Variants in GMDS observed in about 807,000 individuals in gnomAD.
The protein encoded by GMDS is GDP-mannose 4,6-dehydratase.
A neutral mutation model predicts 49.9 loss-of-function variants in GMDS; 20 were observed. The observed-to-expected ratio is 0.40, with a 90% CI of 0.28 to 0.58. The LOEUF (loss-of-function observed/expected upper bound fraction) is 0.58, where lower values mean the gene tolerates loss of function less well. GMDS is among the 20% of genes least tolerant of loss of function. The pLI is 0.42. For synonymous variants in GMDS, 177 were observed against 178.6 expected (o/e 0.99, Z 0.07); for missense variants, 362 against 481.4 (o/e 0.75, Z 2.32).
intron 1 of GMDS, chr6:2,176,005 C>A (rs444257): frequency 0.027 from 40,703 of 1,533,632 alleles, 1,883 homozygotes; most frequent in East Asian, 0.14. Context: ...CTGGATCACA[C>A]AAAAGTGCCT....
At chr6:2,228,850 T>A (rs1375691731) in intron 1 of GMDS, among the ~76,000 whole-genome samples, 3 of 152,170 alleles carry the variant, frequency 2.0e-5, no homozygotes, top group Non-Finnish European at 2.9e-5. Context: ...GATCCAGGTA[T>A]GACATCTGAG....
chr6:1,975,917 G>C (rs4959162), intron 4 of GMDS, among the ~76,000 whole-genome samples: 57,952 of 152,058 alleles, frequency 0.38, 12,153 homozygotes, highest in Non-Finnish European at 0.47. Flanking sequence ...AGAAGCCTGA[G>C]GTTCCTGCAC....
At chr6:2,238,563 T>C (rs1470633106) in intron 1 of GMDS, among the ~76,000 whole-genome samples, 1 of 152,174 alleles carries the variant, frequency 6.6e-6, no homozygotes, top group East Asian at 1.9e-4. Flanking sequence ...CCTTCTCTCA[T>C]TCCTTCCCAC....
At chr6:1,680,322 T>A (rs776291346) in intron 9 of GMDS, among the ~76,000 whole-genome samples, 26 of 152,174 alleles carry the variant, frequency 1.7e-4, no homozygotes, top group Non-Finnish European at 3.2e-4. Context: ...TGACTCTAAG[T>A]CATCAGGTTA....
chr6:1,630,404 G>A lies in GMDS; in HGVS notation c.988-5864C>T, dbSNP rs1027592248. Reference sequence around the variant, plus strand: ...GGCTGTGTCCGCCTGCCCATTGGCTGCCTGGCCTTTGACTGGGACAGAGGA... The same window carrying A: ...GGCTGTGTCCGCCTGCCCATTGGCTACCTGGCCTTTGACTGGGACAGAGGA... On this transcript the variant is annotated intron_variant, in intron 9 of 10. Coordinates refer to ENST00000380815, the MANE Select transcript of GMDS (RefSeq NM_001500.4). Among the ~76,000 whole-genome samples the A allele has an allele frequency of 2.0e-5, 3 of 152,340 alleles. No individual in the cohort carries two copies. The East Asian group carries it at 5.8e-4, about 29-fold the overall frequency.
rs62388349 is a variant in GMDS, at chr6:1,738,258, C to T, written c.890+4210G>A. Reference sequence around the variant, plus strand: ...AAGCAGTTGTCATAAGGCTGCCTTTCTCAATACAAATGACTGTGTAAGAAT... The same window carrying T: ...AAGCAGTTGTCATAAGGCTGCCTTTTTCAATACAAATGACTGTGTAAGAAT... On this transcript the variant is annotated intron_variant, in intron 8 of 10. Coordinates refer to ENST00000380815, the MANE Select transcript of GMDS (RefSeq NM_001500.4). Among the ~76,000 whole-genome samples the T allele has an allele frequency of 2.6e-3, 398 of 152,344 alleles. 4 individuals are homozygous for T. Among genetic ancestry groups the T allele is most frequent in the South Asian group, 9.7e-3 (47 of 4,834 alleles).
chr6:1,941,196 G>T (rs1476508840), intron 6 of GMDS, among the ~76,000 whole-genome samples: 2 of 152,122 alleles, frequency 1.3e-5, no homozygotes, highest in Non-Finnish European at 2.9e-5. Context: ...ATTTAACACT[G>T]CAGTGAATCT....
chr6:1,803,502 C>A (rs1369483351), intron 7 of GMDS, among the ~76,000 whole-genome samples: 1 of 152,008 alleles, frequency 6.6e-6, no homozygotes, highest in African/African-American at 2.4e-5. Flanking sequence ...ATTATCAAGG[C>A]TACAGCTACA....
At chr6:1,749,105 C>T (rs183134961) in intron 7 of GMDS, among the ~76,000 whole-genome samples, 1 of 152,304 alleles carries the variant, frequency 6.6e-6, no homozygotes, top group Non-Finnish European at 1.5e-5. Context: ...AACTTCATTG[C>T]ACGCTTTGCC....
intron 9 of GMDS, among the ~76,000 whole-genome samples, chr6:1,668,157 G>A (rs1285697576): frequency 1.3e-5 from 2 of 152,216 alleles, no homozygotes; most frequent in East Asian, 3.8e-4. Context: ...AGAGAAGGCT[G>A]ATCTTAGAGG....
chr6:1,744,543 G>T (rs1010928986), intron 7 of GMDS, among the ~76,000 whole-genome samples: 18 of 150,132 alleles, frequency 1.2e-4, no homozygotes, highest in African/African-American at 4.4e-4. Flanking sequence ...CACACAAGCA[G>T]ATGGAGTCTA....
At chr6:2,160,451 C>T (rs12208648) in intron 1 of GMDS, among the ~76,000 whole-genome samples, 3,111 of 152,322 alleles carry the variant, frequency 0.02, 49 homozygotes, top group Non-Finnish European at 0.034. Context: ...AGGTCTGACA[C>T]CAAACTCCAA....
chr6:1,731,901 G>A (rs1186956909), intron 8 of GMDS, among the ~76,000 whole-genome samples: 3 of 152,228 alleles, frequency 2.0e-5, no homozygotes, highest in Non-Finnish European at 4.4e-5. Flanking sequence ...CGGGGTTTGA[G>A]AGCCTAGAGA....
chr6:1,770,934 GAA>G (rs1246094730), intron 7 of GMDS, among the ~76,000 whole-genome samples: 2 of 152,236 alleles, frequency 1.3e-5, no homozygotes. Context: ...GTGAGTTTAT[GAA>G]AAGTGTTATT....
chr6:1,852,306 G>C (rs943345620), intron 7 of GMDS, among the ~76,000 whole-genome samples: 1 of 152,154 alleles, frequency 6.6e-6, no homozygotes, highest in Non-Finnish European at 1.5e-5. Context: ...TGCATGCCAA[G>C]AACTTAAAAT....
intron 7 of GMDS, among the ~76,000 whole-genome samples, chr6:1,748,568 T>C (rs1767604328): frequency 6.6e-6 from 1 of 152,244 alleles, no homozygotes; most frequent in Non-Finnish European, 1.5e-5. Flanking sequence ...TTTATCTTTT[T>C]GTGACTTTAT....
intron 4 of GMDS, among the ~76,000 whole-genome samples, chr6:1,987,911 A>G (rs1476450511): frequency 6.6e-6 from 1 of 151,958 alleles, no homozygotes; most frequent in Non-Finnish European, 1.5e-5. Flanking sequence ...TTACCTCTCG[A>G]AAAAAAACTA....
chr6:2,033,086 G>A (rs1177909487), intron 4 of GMDS, among the ~76,000 whole-genome samples: 1 of 152,194 alleles, frequency 6.6e-6, no homozygotes, highest in Middle Eastern at 3.2e-3. Context: ...GGAAAATGAA[G>A]TCTTTGCAAT....
chr6:1,939,608 TACAC>T lies in GMDS; in HGVS notation c.644-9382_644-9379del, dbSNP rs1292899195. On this transcript the variant is annotated intron_variant, in intron 6 of 10. Transcript: ENST00000380815. ...ACACACACACACACACATATACACA[TACAC>T]ACACACAGAGTCCATGTTAAAGTTT... 5.9e-4 allele frequency among the ~76,000 whole-genome samples: 83 copies of T among 140,894 alleles called. 1 individual carries two copies. Among genetic ancestry groups the T allele is most frequent in the Non-Finnish European group, 2.5e-4 (16 of 62,858 alleles). The allele number at this position is 140,894 out of a possible 152,430, so 92.4% of individuals were successfully genotyped here. A position where few individuals can be genotyped will look rare whatever the true frequency, so the allele number is the denominator to read the frequency against.
Sources: gnomAD v4.1 joint callset for allele counts (sites outside exome capture counted in the v4.1 genomes callset) on GRCh38, gnomAD v4.1.1 for gene constraint, MANE v1.5 for transcripts, NCBI Gene and HGNC (gene_info 2026-07-23, HGNC 2026-07-21) for gene names.